CRCP: variants seen among roughly 807,000 people sequenced by gnomAD.
The protein encoded by CRCP is DNA-directed RNA polymerase III subunit RPC9.
In CRCP, 18 loss-of-function variants were observed where a neutral mutation model predicts 18.5. The ratio of observed to expected loss-of-function variants is 0.97; its 90% CI spans 0.67 to 1.44. The LOEUF (loss-of-function observed/expected upper bound fraction) is 1.44. Ranked by LOEUF, CRCP falls within the 40% of genes most tolerant of loss-of-function variation. The probability of loss-of-function intolerance (pLI) is 0.00; values close to 1 mark genes in which losing one functional copy is unlikely to be tolerated. For missense variants in CRCP, 130 were observed against 176.4 expected (o/e 0.74, Z 1.49); for synonymous variants, 53 against 62.9 (o/e 0.84, Z 0.75).
chr7:66,153,123 C>A lies in CRCP; in HGVS notation c.*766C>A, dbSNP rs1654350945. 1 of 152,832 alleles carries A rather than the reference C, an allele frequency of 6.5e-6. No homozygotes were observed. Among genetic ancestry groups the A allele is most frequent in the Admixed American group, 6.6e-5 (1 of 15,256 alleles). 9.5% of individuals were successfully genotyped at this position (152,832 alleles called of 1,614,324 possible). On this transcript the variant is annotated 3_prime_UTR_variant, in exon 6 of 6. Transcript: ENST00000395326. ...AGGTAAGCCTCATTTGCACAACAGT[C>A]AAATTGTTTGTTCCTTTAAAAAGGA...
intron 4 of CRCP, among the ~76,000 whole-genome samples, chr7:66,141,022 A>G (rs1788120863): frequency 6.6e-6 from 1 of 152,132 alleles, no homozygotes; most frequent in Non-Finnish European, 1.5e-5. Context: ...AGATTTTTTA[A>G]AATCTTTTTA....
Position 66,130,816 on chromosome 7 carries a change from C to T in CRCP, c.118C>T (p.Gln40Ter), listed in dbSNP as rs755046174. 1 of 1,599,502 alleles carries T rather than the reference C, an allele frequency of 6.3e-7. No homozygotes were observed. The highest frequency in any genetic ancestry group is 1.1e-5 in the South Asian group (1 of 90,660). Reference sequence around the variant, plus strand: ...AAAGAATAAACACAGCTCTGGGCAACAGAACTTGAACACTATCACCTATGA... The same window carrying T: ...AAAGAATAAACACAGCTCTGGGCAATAGAACTTGAACACTATCACCTATGA... ...SGKNKHSSGQ[Q>*]NLNTITYETL... Residue 40 changes from glutamine to a stop codon, truncating the protein, a stop_gained, in exon 3 of 6, where the codon CAG becomes TAG. Transcript: ENST00000395326. LOFTEE classifies it high-confidence loss of function.
At chr7:66,124,194 T>A (rs1182772419) in intron 1 of CRCP, among the ~76,000 whole-genome samples, 2 of 146,826 alleles carry the variant, frequency 1.4e-5, no homozygotes, top group African/African-American at 5.0e-5. Flanking sequence ...ACCCCGTCTC[T>A]ACCAAAAATA....
At chr7:66,148,562 C>T (rs1342406908) in intron 5 of CRCP, among the ~76,000 whole-genome samples, 1 of 152,138 alleles carries the variant, frequency 6.6e-6, no homozygotes, top group South Asian at 2.1e-4. Flanking sequence ...TCTTCAGTTA[C>T]GCCTGGGCTG....
At chr7:66,143,144 G>A (rs73699723) in intron 4 of CRCP, among the ~76,000 whole-genome samples, 1 of 152,232 alleles carries the variant, frequency 6.6e-6, no homozygotes, top group African/African-American at 2.4e-5. Context: ...TGAGGGTGAC[G>A]GGAAGTGTTT....
chr7:66,126,559 C>T (rs1377748401), intron 1 of CRCP: 2 of 377,724 alleles, frequency 5.3e-6, no homozygotes, highest in Admixed American at 3.1e-5. Context: ...AGGAATCATA[C>T]GAATAGCTCC....
At chr7:66,137,558 A>AT (rs754839216) in intron 4 of CRCP, among the ~76,000 whole-genome samples, 6 of 152,250 alleles carry the variant, frequency 3.9e-5, no homozygotes, top group Non-Finnish European at 7.3e-5. Flanking sequence ...GTCCTTCACC[A>AT]TTAAGTATGA....
chr7:66,130,123 T>TTTTTTC, intron 2 of CRCP: 5 of 318,554 alleles, frequency 1.6e-5, no homozygotes, highest in South Asian at 4.8e-5. Flanking sequence ...TTTTTTTTTT[T>TTTTTTC]CAGATGGAGT....
At chr7:66,151,649 A>G (rs1188745897) in intron 5 of CRCP, among the ~76,000 whole-genome samples, 1 of 146,124 alleles carries the variant, frequency 6.8e-6, no homozygotes, top group Non-Finnish European at 1.5e-5. Flanking sequence ...CGAGATGCAT[A>G]TGCAACCTGT....
In CRCP at chr7:66,151,969, GAA is replaced by G. The variant is rs538651956; in HGVS notation, c.298-235_298-234del. On this transcript the variant is annotated intron_variant, in intron 5 of 5. Coordinates refer to ENST00000395326, the MANE Select transcript of CRCP (RefSeq NM_014478.5). The stretch of plus-strand genomic sequence containing the variant: ...GCTGGGGGTTTTCCTTTTCTTTAAA[GAA>G]AAATGCTATCCTACAACTTGGTTTT... Among the ~76,000 whole-genome samples, 323 of 151,918 alleles carry G rather than the reference GAA, an allele frequency of 2.1e-3. 2 individuals carry two copies. Among genetic ancestry groups the G allele is most frequent in the African/African-American group, 7.6e-3 (316 of 41,466 alleles).
intron 1 of CRCP, among the ~76,000 whole-genome samples, chr7:66,126,350 G>A (rs2115902157): frequency 1.2e-5 from 1 of 85,630 alleles, no homozygotes; most frequent in South Asian, 3.7e-4. Context: ...ACATACAGAG[G>A]TCTCTGTTGC....
At chr7:66,149,053 C>T (rs1382012552) in intron 5 of CRCP, among the ~76,000 whole-genome samples, 1 of 152,188 alleles carries the variant, frequency 6.6e-6, no homozygotes, top group African/African-American at 2.4e-5. Flanking sequence ...GTTTGATGCT[C>T]CTGGGATTGA....
chr7:66,118,747 C>T (rs1332410010), intron 1 of CRCP, among the ~76,000 whole-genome samples: 2 of 152,152 alleles, frequency 1.3e-5, no homozygotes, highest in Non-Finnish European at 2.9e-5. Context: ...GTCCATGGTT[C>T]CTGGCTCATA....
chr7:66,119,900 T>G (rs1787382743), intron 1 of CRCP, among the ~76,000 whole-genome samples: 1 of 152,190 alleles, frequency 6.6e-6, no homozygotes, highest in South Asian at 2.1e-4. Context: ...TTAAAATTTT[T>G]TTTTGCAGCC....
intron 5 of CRCP, 38 bp from the exon 6 acceptor site, chr7:66,152,170 T>C: frequency 6.2e-7 from 1 of 1,612,268 alleles, no homozygotes; most frequent in Non-Finnish European, 8.5e-7. Context: ...GCTGTAAGTT[T>C]CATTTGTAAC....
At chr7:66,131,400 T>G (rs1787799053) in intron 3 of CRCP, among the ~76,000 whole-genome samples, 1 of 152,166 alleles carries the variant, frequency 6.6e-6, no homozygotes, top group Non-Finnish European at 1.5e-5. Context: ...TGAAAGGGGA[T>G]CACAGCTCAC....
chr7:66,117,930 T>G (rs1787320233), intron 1 of CRCP, among the ~76,000 whole-genome samples: 1 of 152,226 alleles, frequency 6.6e-6, no homozygotes, highest in African/African-American at 2.4e-5. Context: ...ACCCTCTGTC[T>G]GGTATACTTT....
intron 1 of CRCP, among the ~76,000 whole-genome samples, chr7:66,126,986 AT>A (rs1475568747): frequency 1.3e-5 from 2 of 152,148 alleles, no homozygotes; most frequent in Non-Finnish European, 2.9e-5. Flanking sequence ...GTTTCATCCC[AT>A]TTTTATTTTA....
chr7:66,147,811 C>A (rs1788343436), intron 5 of CRCP, among the ~76,000 whole-genome samples: 1 of 151,948 alleles, frequency 6.6e-6, no homozygotes, highest in Non-Finnish European at 1.5e-5. Flanking sequence ...GTGATCCCAG[C>A]ACTTTGGGAG....
Sources: gnomAD v4.1 joint callset for allele counts (sites outside exome capture counted in the v4.1 genomes callset) on GRCh38, gnomAD v4.1.1 for gene constraint, MANE v1.5 for transcripts, NCBI Gene and HGNC (gene_info 2026-07-23, HGNC 2026-07-21) for gene names.